The following PRKG1 variants were observed in gnomAD, a reference collection of about 807,000 sequenced individuals.
PRKG1 encodes the protein cGMP-dependent protein kinase 1.
A neutral mutation model predicts 88.1 loss-of-function variants in PRKG1; 35 were observed. The observed-to-expected ratio is 0.40, with a 90% CI of 0.30 to 0.53. PRKG1 has a LOEUF of 0.53. Ranked by LOEUF, PRKG1 falls within the 20% of genes least tolerant of loss-of-function variation. PRKG1 has a pLI of 0.59. For synonymous variants in PRKG1, 303 were observed against 292.5 expected (o/e 1.04, Z -0.37); for missense variants, 540 against 839.8 (o/e 0.64, Z 4.41).
At chr10:51,384,885 CAG>C (rs1310145762) in intron 2 of PRKG1, among the ~76,000 whole-genome samples, 1 of 152,192 alleles carries the variant, frequency 6.6e-6, no homozygotes, top group Non-Finnish European at 1.5e-5. Context: ...TAAATTAAAA[CAG>C]TGCACATAAC....
chr10:52,218,455 G>T (rs974148277), intron 9 of PRKG1, among the ~76,000 whole-genome samples: 2 of 151,744 alleles, frequency 1.3e-5, no homozygotes, highest in Non-Finnish European at 2.9e-5. Flanking sequence ...TTAGGCTTCT[G>T]GTTAAAAAAG....
chr10:51,940,092 TTC>T (rs1351984436), intron 5 of PRKG1, among the ~76,000 whole-genome samples: 1 of 151,980 alleles, frequency 6.6e-6, no homozygotes, highest in African/African-American at 2.4e-5. Flanking sequence ...TAATTGGTCA[TTC>T]TCTGTTGCTT....
chr10:51,275,091 AGTGGCCT>A (rs1447700632), intron 2 of PRKG1, among the ~76,000 whole-genome samples: 1 of 152,230 alleles, frequency 6.6e-6, no homozygotes, highest in Non-Finnish European at 1.5e-5. Flanking sequence ...TTCGATAGCC[AGTGGCCT>A]GGAATTTGAG....
intron 2 of PRKG1, among the ~76,000 whole-genome samples, chr10:51,216,492 C>T (rs758262868): frequency 2.6e-5 from 4 of 152,030 alleles, no homozygotes; most frequent in Non-Finnish European, 5.9e-5. Context: ...CTTCTCTGTG[C>T]CTGGGTTTCC....
chr10:51,815,778 T>C (rs1839568964), intron 4 of PRKG1, among the ~76,000 whole-genome samples: 1 of 152,198 alleles, frequency 6.6e-6, no homozygotes, highest in Admixed American at 6.5e-5. Context: ...CAGCTTAGAA[T>C]CTGGCTGTTG....
chr10:52,176,411 ACTACAGCTTTGTAGTATATTTTGCAGT>A (rs1838869579), intron 9 of PRKG1, among the ~76,000 whole-genome samples: 2 of 151,636 alleles, frequency 1.3e-5, no homozygotes, highest in East Asian at 3.9e-4. Flanking sequence ...TGTTTTGGTT[ACTACAGCTTTGTAGTATATTTTGCAGT>A]CTGGCAGTGT....
intron 2 of PRKG1, among the ~76,000 whole-genome samples, chr10:51,248,634 C>T (rs963095195): frequency 2.6e-5 from 4 of 151,680 alleles, no homozygotes; most frequent in Middle Eastern, 3.2e-3. Context: ...CAGAAATGGT[C>T]TCTATGGCAA....
chr10:51,845,937 A>G (rs1289572587), intron 4 of PRKG1, among the ~76,000 whole-genome samples: 1 of 128,976 alleles, frequency 7.8e-6, no homozygotes, highest in Non-Finnish European at 1.8e-5. Flanking sequence ...TGTCTGATTG[A>G]GTGTTTCTTA....
At chr10:51,911,093 T>G (rs991479602) in intron 5 of PRKG1, 1 of 152,222 alleles carries the variant, frequency 6.6e-6, no homozygotes. Context: ...CATTGTCACA[T>G]TTGACTCCTA....
chr10:51,135,236 T>A (rs1845659865), intron 1 of PRKG1, among the ~76,000 whole-genome samples: 1 of 152,082 alleles, frequency 6.6e-6, no homozygotes, highest in Non-Finnish European at 1.5e-5. Flanking sequence ...TCTGAAAAAA[T>A]AAGCAGATAA....
At chr10:52,211,358 T>C (rs997810978) in intron 9 of PRKG1, among the ~76,000 whole-genome samples, 13 of 152,180 alleles carry the variant, frequency 8.5e-5, no homozygotes, top group Non-Finnish European at 1.5e-5. Flanking sequence ...TTTTCGCAAC[T>C]AATTATTTAA....
chr10:51,123,363 C>T (rs959691006), intron 1 of PRKG1, among the ~76,000 whole-genome samples: 3 of 152,018 alleles, frequency 2.0e-5, no homozygotes, highest in Admixed American at 1.3e-4. Flanking sequence ...TTGCATGCTC[C>T]GTATTAGGCC....
chr10:51,273,812 C>A (rs1411101649), intron 2 of PRKG1, among the ~76,000 whole-genome samples: 1 of 152,220 alleles, frequency 6.6e-6, no homozygotes, highest in Non-Finnish European at 1.5e-5. Flanking sequence ...AGTTCCCCAT[C>A]TGGCTGCTTT....
chr10:51,278,165 G>A (rs920855700), intron 2 of PRKG1, among the ~76,000 whole-genome samples: 1 of 152,106 alleles, frequency 6.6e-6, no homozygotes, highest in Non-Finnish European at 1.5e-5. Flanking sequence ...TAGCATGAAG[G>A]GCTGTTGAAT....
At chr10:52,288,641 G>T in intron 14 of PRKG1, 85 bp from the exon 15 acceptor site, 1 of 1,337,240 alleles carries the variant, frequency 7.5e-7, no homozygotes, top group African/African-American at 1.5e-5. Context: ...ATGAATTGAT[G>T]TCATCTGTGG....
intron 2 of PRKG1, among the ~76,000 whole-genome samples, chr10:51,317,822 T>G (rs1454810019): frequency 6.6e-6 from 1 of 152,232 alleles, no homozygotes; most frequent in African/African-American, 2.4e-5. Context: ...AGCCAGGTTA[T>G]GCCAGGGTCT....
intron 9 of PRKG1, among the ~76,000 whole-genome samples, chr10:52,177,047 T>C (rs1170712898): frequency 6.6e-6 from 1 of 152,048 alleles, no homozygotes; most frequent in Non-Finnish European, 1.5e-5. Context: ...GGACTTCCAG[T>C]ACTACGTTGA....
chr10:51,713,715 T>C (rs539520685), intron 3 of PRKG1, among the ~76,000 whole-genome samples: 166 of 152,358 alleles, frequency 1.1e-3, no homozygotes, highest in Non-Finnish European at 1.8e-3. Context: ...TTCCTAGCTT[T>C]AGAACTATGG....
At chr10:51,311,845 G>A (rs72803186) in intron 2 of PRKG1, among the ~76,000 whole-genome samples, 1 of 152,126 alleles carries the variant, frequency 6.6e-6, no homozygotes, top group Non-Finnish European at 1.5e-5. Context: ...CCTGGGGGAA[G>A]CACCACACCT....
Sources: gnomAD v4.1 joint callset for allele counts (sites outside exome capture counted in the v4.1 genomes callset) on GRCh38, gnomAD v4.1.1 for gene constraint, MANE v1.5 for transcripts, NCBI Gene and HGNC (gene_info 2026-07-23, HGNC 2026-07-21) for gene names.